Variants in HEATR5A observed in about 807,000 individuals in gnomAD.
HEATR5A encodes HEAT repeat containing 5A.
HEATR5A carries 178 observed loss-of-function variants against 218.8 expected under a neutral mutation model. The ratio of observed to expected loss-of-function variants is 0.81; its 90% CI spans 0.72 to 0.92. HEATR5A has a LOEUF of 0.92. Among genes scored for constraint, HEATR5A ranks in the 40% least tolerant of loss-of-function variants. HEATR5A has a pLI of 0.00. For missense variants in HEATR5A, 2,420 were observed against 2,418.9 expected (o/e 1.00, Z -0.01); for synonymous variants, 864 against 871.6 (o/e 0.99, Z 0.15).
At chr14:31,347,976 G>A (rs542356229) in intron 18 of HEATR5A, 69 bp from the exon 19 acceptor site, 2 of 974,496 alleles carry the variant, frequency 2.1e-6, no homozygotes, top group East Asian at 6.2e-5. Flanking sequence ...ACTAATGCAT[G>A]TACACTGTCA....
chr14:31,325,525 T>C (rs1900239580), intron 23 of HEATR5A, among the ~76,000 whole-genome samples: 1 of 151,848 alleles, frequency 6.6e-6, no homozygotes, highest in Non-Finnish European at 1.5e-5. Context: ...TGTATGTATG[T>C]AGAGACAGGG....
intron 7 of HEATR5A, among the ~76,000 whole-genome samples, chr14:31,387,789 T>C (rs995410042): frequency 6.6e-6 from 1 of 152,202 alleles, no homozygotes; most frequent in African/African-American, 2.4e-5. Flanking sequence ...CTCGATCTCC[T>C]GACTTCGTGA....
At chr14:31,314,079 CTG>C (rs2139152457) in intron 27 of HEATR5A, among the ~76,000 whole-genome samples, 1 of 152,188 alleles carries the variant, frequency 6.6e-6, no homozygotes, top group East Asian at 1.9e-4. Context: ...TCCCAAGTAG[CTG>C]GGATTACAGG....
At chr14:31,300,936 AC>A in intron 33 of HEATR5A, among the ~76,000 whole-genome samples, 1 of 152,214 alleles carries the variant, frequency 6.6e-6, no homozygotes, top group East Asian at 1.9e-4. Context: ...TTTTTATTGT[AC>A]TAGAAATGCA....
intron 8 of HEATR5A, 26 bp from the exon 9 acceptor site, chr14:31,386,601 T>C (rs747935544): frequency 1.1e-5 from 17 of 1,545,030 alleles, no homozygotes; most frequent in Admixed American, 6.3e-5. Context: ...GAATTAACTA[T>C]GCATAACCAC....
intron 16 of HEATR5A, among the ~76,000 whole-genome samples, chr14:31,357,907 T>C (rs1249316520): frequency 6.6e-6 from 1 of 152,194 alleles, no homozygotes; most frequent in Non-Finnish European, 1.5e-5. Context: ...GGACTGGTAC[T>C]GGTCCACGGC....
Position 31,294,118 on chromosome 14 carries a change from A to G in HEATR5A, c.5620-14T>C, listed in dbSNP as rs770029109. On this transcript the variant is annotated splice_polypyrimidine_tract_variant and intron_variant, in intron 34 of 35. Coordinates refer to ENST00000543095, the MANE Select transcript of HEATR5A (RefSeq NM_015473.4). ...CTTGATTTGTACCTAATAAGGTAAG[A>G]GAAAAGAATAGCAAATACTATAAAT... 3.2e-5 allele frequency: 47 copies of G among 1,486,138 alleles called. No homozygotes were observed. Among genetic ancestry groups the G allele is most frequent in the Non-Finnish European group, 4.2e-5 (46 of 1,086,232 alleles). 92.1% of individuals were successfully genotyped at this position (1,486,138 alleles called of 1,614,324 possible).
At chr14:31,318,351 C>T (rs12323409) in intron 25 of HEATR5A, 59 bp from the exon 26 acceptor site, 43,816 of 1,296,716 alleles carry the variant, frequency 0.034, 1,670 homozygotes, top group East Asian at 0.19. Flanking sequence ...CAAGTTCTCC[C>T]TCTTTTTAAT....
chr14:31,365,668 T>G lies in HEATR5A; in HGVS notation c.1962-1370A>C, dbSNP rs544048425. Among the ~76,000 whole-genome samples, 7 of 149,886 alleles carry G rather than the reference T, an allele frequency of 4.7e-5. No individual in the cohort carries two copies. In the East Asian group the frequency reaches 6.0e-4, roughly 13 times the overall value. ...GCCACCATGCCCAGCGTGTACTTTT[T>G]TTGTTGTTGTTGTCGAGACAGGGTC... On this transcript the variant is annotated intron_variant, in intron 13 of 35. Transcript: ENST00000543095.
At chr14:31,381,531 G>A (rs1036621556) in intron 10 of HEATR5A, among the ~76,000 whole-genome samples, 5 of 138,810 alleles carry the variant, frequency 3.6e-5, no homozygotes, top group Admixed American at 2.4e-4. Flanking sequence ...TGCAGCCTGG[G>A]CAATAAAGAA....
chr14:31,336,193 G>T (rs1900645975), intron 22 of HEATR5A, among the ~76,000 whole-genome samples: 2 of 129,172 alleles, frequency 1.5e-5, no homozygotes, highest in East Asian at 2.4e-4. Flanking sequence ...TGCGCAGGGG[G>T]TTATTTTTAT....
rs570044472 is a variant in HEATR5A, at chr14:31,327,109, G to C, written c.3368-767C>G. On this transcript the variant is annotated intron_variant, in intron 22 of 35. Coordinates refer to ENST00000543095, the MANE Select transcript of HEATR5A (RefSeq NM_015473.4). ...CCTGCCTCAGTCTCCTAAGTAGCTG[G>C]GACTACAGGTGCCTGCCACCATGTC... Among the ~76,000 whole-genome samples the C allele has an allele frequency of 2.0e-5, 3 of 151,616 alleles. No homozygotes were observed. The East Asian group carries it at 5.8e-4, about 29-fold the overall frequency.
rs1451845833 is a variant in HEATR5A, at chr14:31,302,597, A to AAGAC, written c.5240-82_5240-79dup. The AAGAC allele has an allele frequency of 2.9e-5, 27 of 916,326 alleles. No individual in the cohort carries two copies. The African/African-American group carries it at 4.5e-4, about 15-fold the overall frequency. The allele number at this position is 916,326 out of a possible 1,614,324, so 56.8% of individuals were successfully genotyped here. ...TTCTAAAAAGAAATCATCAAGGAGTAAGACAATGTCAGATTTTCAGTTTTT... is the reference window on the plus strand; with the variant it reads ...TTCTAAAAAGAAATCATCAAGGAGTAAGACAGACAATGTCAGATTTTCAGTTTTT... On this transcript the variant is annotated intron_variant, in intron 32 of 35. Transcript: ENST00000543095.
intron 14 of HEATR5A, among the ~76,000 whole-genome samples, chr14:31,363,746 C>T (rs556161730): frequency 4.1e-4 from 63 of 152,166 alleles, no homozygotes; most frequent in African/African-American, 1.4e-3. Flanking sequence ...TTTGGGAGGC[C>T]AAGGCAGGAG....
chr14:31,323,723 C>A lies in HEATR5A; in HGVS notation c.3629G>T (p.Arg1210Ile), dbSNP rs1900178289. 6.2e-7 allele frequency: 1 copy of A among 1,613,480 alleles called. No individual in the cohort carries two copies. Among genetic ancestry groups the A allele is most frequent in the Non-Finnish European group, 8.5e-7 (1 of 1,179,682 alleles). The change falls in exon 24 of 36, where the codon AGA becomes ATA. Residue 1210 changes from arginine (R) to isoleucine (I), a missense_variant. Coordinates refer to ENST00000543095, the MANE Select transcript of HEATR5A (RefSeq NM_015473.4). Reference protein sequence around the residue: ...KGDDASVLTTRRDEKSHPFTN... With the variant: ...KGDDASVLTTIRDEKSHPFTN... ...AAAAGGATGGGATTTTTCATCACGTCTGGTGGTCAGGACTGAGGCATCATC... is the reference window on the plus strand; with the variant it reads ...AAAAGGATGGGATTTTTCATCACGTATGGTGGTCAGGACTGAGGCATCATC...
chr14:31,418,100 C>CGG (rs1357685965), intron 1 of HEATR5A, among the ~76,000 whole-genome samples: 2 of 151,860 alleles, frequency 1.3e-5, no homozygotes, highest in Non-Finnish European at 2.9e-5. Context: ...CCCAGCTACT[C>CGG]GGGAGGCTAA....
intron 22 of HEATR5A, among the ~76,000 whole-genome samples, chr14:31,331,004 C>T (rs1206624526): frequency 7.3e-6 from 1 of 137,930 alleles, no homozygotes; most frequent in East Asian, 2.4e-4. Context: ...TGCAGTGGCG[C>T]AACCTCAACT....
At chr14:31,306,115 C>T (rs1351883469) in intron 31 of HEATR5A, among the ~76,000 whole-genome samples, 3 of 152,162 alleles carry the variant, frequency 2.0e-5, no homozygotes, top group African/African-American at 7.2e-5. Context: ...ATTCTCATTT[C>T]ACCCAGAGAA....
At chr14:31,298,079 A>G (rs191118628) in intron 33 of HEATR5A, among the ~76,000 whole-genome samples, 140 of 152,290 alleles carry the variant, frequency 9.2e-4, no homozygotes, top group Middle Eastern at 3.4e-3. Context: ...TAGATGCACA[A>G]TTCACTTAGC....
Sources: allele counts gnomAD v4.1 joint callset (sites outside exome capture counted in the v4.1 genomes callset), GRCh38; gene constraint gnomAD v4.1.1; transcripts MANE v1.5; gene names NCBI Gene and HGNC (gene_info 2026-07-23, HGNC 2026-07-21).